Variants in KLF5 observed in about 807,000 individuals in gnomAD.
KLF5 encodes Krueppel-like factor 5.
A neutral mutation model predicts 36.9 loss-of-function variants in KLF5; 9 were observed. The observed-to-expected ratio is 0.24, with a 90% CI of 0.15 to 0.43. The LOEUF is 0.43. Ranked by LOEUF, KLF5 falls within the 20% of genes least tolerant of loss-of-function variation. KLF5 has a pLI of 1.00. For synonymous variants in KLF5, 246 were observed against 241.7 expected, an observed-to-expected ratio of 1.02 and a Z score of -0.17; for missense variants, 524 against 599.5, an observed-to-expected ratio of 0.87 and a Z score of 1.31.
intron 3 of KLF5, among the ~76,000 whole-genome samples, chr13:73,072,159 G>T (rs1406218626): frequency 1.3e-5 from 2 of 152,112 alleles, no homozygotes; most frequent in Non-Finnish European, 2.9e-5. Flanking sequence ...TATGTCTATT[G>T]AATGTGTTCA....
At chr13:73,065,273 T>C (rs1180290301) in intron 3 of KLF5, among the ~76,000 whole-genome samples, 3 of 152,236 alleles carry the variant, frequency 2.0e-5, no homozygotes, top group Non-Finnish European at 4.4e-5. Context: ...TAAAAGCCTT[T>C]GAACAAAGGT....
chr13:73,063,771 G>A (rs1317634650), intron 2 of KLF5, 53 bp from the exon 3 acceptor site: 1 of 1,223,466 alleles, frequency 8.2e-7, no homozygotes, highest in Non-Finnish European at 1.2e-6. Flanking sequence ...ATCATCAAAT[G>A]TAAAGATTTC....
intron 3 of KLF5, among the ~76,000 whole-genome samples, chr13:73,072,109 T>C (rs1441776460): frequency 6.6e-6 from 1 of 152,246 alleles, no homozygotes; most frequent in African/African-American, 2.4e-5. Context: ...ATTCTTTTGT[T>C]AGAAGAATCT....
At chr13:73,056,452 C>T (rs2044583992), upstream of KLF5, among the ~76,000 whole-genome samples, 1 of 152,222 alleles carries the variant, frequency 6.6e-6, no homozygotes, top group Non-Finnish European at 1.5e-5. Context: ...AATTGAGGAT[C>T]TGTCCATTCA....
chr13:73,064,058 A>G (rs537815939), intron 3 of KLF5, among the ~76,000 whole-genome samples, 175 bp downstream of exon 3: 1 of 151,602 alleles, frequency 6.6e-6, no homozygotes, highest in African/African-American at 2.4e-5. Flanking sequence ...TCCATGAGAA[A>G]TCTGGTTCCA....
At chr13:73,073,882 A>T (rs1407260266) in intron 3 of KLF5, among the ~76,000 whole-genome samples, 1 of 152,216 alleles carries the variant, frequency 6.6e-6, no homozygotes, top group African/African-American at 2.4e-5. Context: ...AACGTGATTT[A>T]TACTTTGTTT....
At chr13:73,074,167 A>G (rs1399426472) in intron 3 of KLF5, among the ~76,000 whole-genome samples, 1 of 152,214 alleles carries the variant, frequency 6.6e-6, no homozygotes, top group East Asian at 1.9e-4. Context: ...TCTTTGTCTG[A>G]GAGTCAGAGT....
At chr13:73,073,421 A>G (rs2044736266) in intron 3 of KLF5, among the ~76,000 whole-genome samples, 1 of 152,234 alleles carries the variant, frequency 6.6e-6, no homozygotes, top group South Asian at 2.1e-4. Flanking sequence ...AATGTTTTAG[A>G]AACTTTAATG....
At chr13:73,068,095 C>T (rs2044694230) in intron 3 of KLF5, among the ~76,000 whole-genome samples, 1 of 152,136 alleles carries the variant, frequency 6.6e-6, no homozygotes. Context: ...CCCGCCCCAG[C>T]CTCCCAAAGT....
In KLF5 at chr13:73,077,124, A is replaced by G. The variant is rs2044769409; in HGVS notation, c.*1238A>G. On this transcript the variant is annotated 3_prime_UTR_variant, in exon 4 of 4. Coordinates refer to ENST00000377687, the MANE Select transcript of KLF5 (RefSeq NM_001730.5). ...ACCAAAGGGCAGAATAAATAAGCAA[A>G]ATGCCAAAAGGGGTCTTAATTGAAA... is the stretch of plus-strand genomic sequence containing the variant. 1 of 152,652 alleles carries G rather than the reference A, an allele frequency of 6.6e-6. No individual in the cohort carries two copies. The highest frequency in any genetic ancestry group is 1.5e-5 in the Non-Finnish European group (1 of 68,040). 9.5% of individuals were successfully genotyped at this position (152,652 alleles called of 1,614,324 possible). A position where few individuals can be genotyped will look rare whatever the true frequency, so the allele number is the denominator to read the frequency against.
chr13:73,058,994 C>T (rs892742823), upstream of KLF5: 3 of 209,538 alleles, frequency 1.4e-5, no homozygotes, highest in Non-Finnish European at 2.9e-5. Context: ...AGGCGGGCGT[C>T]AAGTGTCAGT....
chr13:73,074,366 T>C (rs1469951859), intron 3 of KLF5, among the ~76,000 whole-genome samples: 3 of 151,452 alleles, frequency 2.0e-5, no homozygotes, highest in South Asian at 4.1e-4. Context: ...AAAGCAACTC[T>C]GAGGTTCCTC....
intron 3 of KLF5, among the ~76,000 whole-genome samples, chr13:73,069,471 G>A (rs2044707083): frequency 6.6e-6 from 1 of 152,008 alleles, no homozygotes; most frequent in Non-Finnish European, 1.5e-5. Flanking sequence ...TTTAGTATTA[G>A]ATTTTATTAA....
intron 3 of KLF5, among the ~76,000 whole-genome samples, chr13:73,075,472 G>A (rs1350823065): frequency 1.3e-5 from 2 of 152,062 alleles, no homozygotes; most frequent in Admixed American, 6.5e-5. Flanking sequence ...TTGTTCAAAG[G>A]TACACAAAAT....
chr13:73,056,955 AG>A (rs1444252007), upstream of KLF5, among the ~76,000 whole-genome samples: 2 of 152,122 alleles, frequency 1.3e-5, no homozygotes, highest in African/African-American at 4.8e-5. Flanking sequence ...GCAATGAAAA[AG>A]CTTTTGTAAA....
At chr13:73,060,098 C>T (rs1227883862) in intron 1 of KLF5, among the ~76,000 whole-genome samples, 1 of 147,650 alleles carries the variant, frequency 6.8e-6, no homozygotes, top group Admixed American at 6.8e-5. Context: ...GATTGCGGGC[C>T]GCGTTTGGAA....
At chr13:73,061,803 G>T in intron 1 of KLF5, 58 bp from the exon 2 acceptor site, 1 of 1,534,462 alleles carries the variant, frequency 6.5e-7, no homozygotes, top group East Asian at 2.3e-5. Flanking sequence ...CCGATTGTTC[G>T]TTCTTCCCGA....
intron 3 of KLF5, among the ~76,000 whole-genome samples, chr13:73,073,380 T>C (rs890279433): frequency 6.6e-6 from 1 of 152,234 alleles, no homozygotes; most frequent in East Asian, 1.9e-4. Context: ...GAATACTCTA[T>C]AGATGTGCAT....
rs2044613416 is a variant in KLF5, at chr13:73,059,505, G to T, written c.178G>T (p.Ala60Ser). The change falls in exon 1 of 4, where the codon GCG (alanine) becomes TCG (serine). Residue 60 changes from alanine to serine, a missense_variant. By Grantham distance (99) the Ala-to-Ser change is moderately conservative. This residue lies in a region of KLF5 where 454 missense variants were observed against 458.1 expected (regional missense o/e 0.99). Coordinates refer to ENST00000377687, the MANE Select transcript of KLF5 (RefSeq NM_001730.5). Reference sequence around the variant, plus strand: ...GAAGCACGCGCACCACCGCCCGCAGGCGCAGCCCGCGCCCGCGCAGGCCCC... The same window carrying T: ...GAAGCACGCGCACCACCGCCCGCAGTCGCAGCCCGCGCCCGCGCAGGCCCC... Reference protein sequence around the residue: ...ELKHAHHRPQAQPAPAQAPQP... With the variant: ...ELKHAHHRPQSQPAPAQAPQP... The T allele has an allele frequency of 5.8e-6, 7 of 1,215,176 alleles. No individual in the cohort carries two copies. Among genetic ancestry groups the T allele is most frequent in the Non-Finnish European group, 6.1e-6 (6 of 980,240 alleles). 75.3% of individuals were successfully genotyped at this position (1,215,176 alleles called of 1,614,324 possible).
Sources: allele counts gnomAD v4.1 joint callset (sites outside exome capture counted in the v4.1 genomes callset), GRCh38; gene constraint gnomAD v4.1.1; regional missense constraint gnomAD v4.1.1; transcripts MANE v1.5; gene names NCBI Gene and HGNC (gene_info 2026-07-23, HGNC 2026-07-21).